Variants in KIAA1614 observed in about 807,000 individuals in gnomAD.
KIAA1614 encodes the protein KIAA1614.
A neutral mutation model predicts 88.7 loss-of-function variants in KIAA1614; 76 were observed. The observed-to-expected ratio is 0.86, with a 90% confidence interval of 0.71 to 1.04. The LOEUF (loss-of-function observed/expected upper bound fraction) is 1.04. KIAA1614 is among the 50% of genes least tolerant of loss of function. KIAA1614 has a pLI of 0.00. For missense variants in KIAA1614, 1,553 were observed against 1,582.5 expected (o/e 0.98, Z 0.32); for synonymous variants, 714 against 675.5 (o/e 1.06, Z -0.88).
chr1:180,948,204 C>T lies in KIAA1614; in HGVS notation c.*2616C>T, dbSNP rs1387443890. ...TGAAGCCTGGCGAGTGCTGGGGCCT[C>T]CGTGTCCCAGGCCATCCTCCAACAG... is the stretch of plus-strand genomic sequence containing the variant. On this transcript the variant is annotated 3_prime_UTR_variant, in exon 9 of 9. Coordinates refer to ENST00000367588, the MANE Select transcript of KIAA1614 (RefSeq NM_020950.2). 6.6e-6 allele frequency: 1 copy of T among 152,300 alleles called. No individual in the cohort carries two copies. The highest frequency in any genetic ancestry group is 6.5e-5 in the Admixed American group (1 of 15,294). The allele number at this position is 152,300 out of a possible 1,614,324, so 9.4% of individuals were successfully genotyped here.
chr1:180,928,196 C>T (rs1245935964), intron 3 of KIAA1614: 14 of 439,534 alleles, frequency 3.2e-5, no homozygotes, highest in Middle Eastern at 5.9e-4. Flanking sequence ...TGTCCAAGGC[C>T]GGGCCAGCTC....
Position 180,916,405 on chromosome 1 carries a change from T to G in KIAA1614, c.302T>G (p.Val101Gly). The G allele has an allele frequency of 6.2e-7, 1 of 1,613,808 alleles. No homozygotes were observed. The highest frequency in any genetic ancestry group is 8.5e-7 in the Non-Finnish European group (1 of 1,179,944). The change falls in exon 2 of 9, where the codon GTG becomes GGG. Residue 101 changes from valine to glycine, a missense_variant. Coordinates refer to ENST00000367588, the MANE Select transcript of KIAA1614 (RefSeq NM_020950.2). ...KEKMTVAKQGVSPCSASQEWS... is the reference protein window; with the variant it reads ...KEKMTVAKQGGSPCSASQEWS... ...AAGATGACAGTGGCCAAACAGGGAG[T>G]GAGTCCCTGCTCTGCTTCCCAAGAG... is the stretch of plus-strand genomic sequence containing the variant.
intron 1 of KIAA1614, among the ~76,000 whole-genome samples, chr1:180,914,423 A>G (rs796344378): frequency 2.0e-5 from 3 of 152,332 alleles, no homozygotes; most frequent in African/African-American, 7.2e-5. Flanking sequence ...TGTTTTGGAA[A>G]AGGCCTGGGC....
chr1:180,927,155 T>G (rs1207480561), intron 3 of KIAA1614, among the ~76,000 whole-genome samples: 1 of 152,156 alleles, frequency 6.6e-6, no homozygotes, highest in African/African-American at 2.4e-5. Context: ...CACATCTCTG[T>G]CACCCAGGAA....
rs1654119623 is a variant in KIAA1614, at chr1:180,928,520, C to G, written c.1152C>G (p.Thr384=). Residue 384 remains threonine, a synonymous_variant, in exon 4 of 9, where the codon ACC becomes ACG. Transcript: ENST00000367588. ...AGCGTGCCCGCATGAAGGCCAGGAC[C>G]CGGCCCCTCCGTGCCAGCCATGACA... is the stretch of plus-strand genomic sequence containing the variant. ...LLQRARMKAR[T]RPLRASHDIV... is the part of the protein sequence containing the mutation. 1.9e-6 allele frequency: 3 copies of G among 1,613,000 alleles called. No individual in the cohort carries two copies. The highest frequency in any genetic ancestry group is 1.3e-5 in the African/African-American group (1 of 75,068).
rs1374613094 is a variant in KIAA1614 at position 180,947,811 on chromosome 1, T to C, written c.*2223T>C. Reference sequence around the variant, plus strand: ...CTACCTAGAAGAGTCATAAGGAGCATTTGGTAAGGCACACAGGAAAGGGCC... The same window carrying C: ...CTACCTAGAAGAGTCATAAGGAGCACTTGGTAAGGCACACAGGAAAGGGCC... On this transcript the variant is annotated 3_prime_UTR_variant, in exon 9 of 9. Coordinates refer to ENST00000367588, the MANE Select transcript of KIAA1614 (RefSeq NM_020950.2). 1 of 152,106 alleles carries C rather than the reference T, an allele frequency of 6.6e-6. No individual in the cohort carries two copies. The highest frequency in any genetic ancestry group is 1.5e-5 in the Non-Finnish European group (1 of 68,014). The allele number at this position is 152,106 out of a possible 1,614,324, so 9.4% of individuals were successfully genotyped here. A position where few individuals can be genotyped will look rare whatever the true frequency, so the allele number is the denominator to read the frequency against.
Position 180,947,098 on chromosome 1 carries a change from G to GC in KIAA1614, c.*1514dup, listed in dbSNP as rs993398124. The GC allele has an allele frequency of 3.3e-5, 5 of 152,312 alleles. No individual in the cohort carries two copies. The highest frequency in any genetic ancestry group is 9.6e-5 in the African/African-American group (4 of 41,454). The allele number at this position is 152,312 out of a possible 1,614,324, so 9.4% of individuals were successfully genotyped here. A position where few individuals can be genotyped will look rare whatever the true frequency, so the allele number is the denominator to read the frequency against. On this transcript the variant is annotated 3_prime_UTR_variant, in exon 9 of 9. Transcript: ENST00000367588. ...GGGCCGTGGATGGGGCGAGGAAGGG[G>GC]CCCCATGGGTGTCTGGGGAAGAGCA...
At position 180,941,256 on chromosome 1, in the gene KIAA1614, A is replaced by G. The variant is rs770471541; in HGVS notation, c.3130A>G (p.Arg1044Gly). Residue 1044 changes from arginine to glycine, a missense_variant, in exon 7 of 9, where the codon AGG becomes GGG. Transcript: ENST00000367588. ...PAPPGLTSQS[R>G]APSLQSLHPV... ...CCCGCCTGGCCTGACGTCACAGTCC[A>G]GGGCCCCATCGTTACAATCCCTGCA... The G allele has an allele frequency of 3.1e-6, 5 of 1,612,384 alleles. No individual in the cohort carries two copies. In the Admixed American group the frequency reaches 5.0e-5, roughly 16 times the overall value.
At position 180,917,048 on chromosome 1, in the gene KIAA1614, C is replaced by T. The variant is rs370879517; in HGVS notation, c.945C>T (p.Pro315=). ...QEMLNVSGQS[P]RKVGTPAWTP... ...TGCTCAACGTTTCTGGGCAGAGCCC[C>T]CGCAAGGTGGGAACCCCTGCCTGGA... Residue 315 remains proline (P), a synonymous_variant, in exon 2 of 9, where the codon CCC becomes CCT. Coordinates refer to ENST00000367588, the MANE Select transcript of KIAA1614 (RefSeq NM_020950.2). 1.5e-5 allele frequency: 25 copies of T among 1,613,618 alleles called. No individual in the cohort carries two copies. Among genetic ancestry groups the T allele is most frequent in the Non-Finnish European group, 2.0e-5 (24 of 1,180,036 alleles).
In KIAA1614 at chr1:180,936,268, G is replaced by A; in HGVS notation, c.2359G>A (p.Glu787Lys). 1 of 1,614,206 alleles carries A rather than the reference G, an allele frequency of 6.2e-7. No homozygotes were observed. Among genetic ancestry groups the A allele is most frequent in the South Asian group, 1.1e-5 (1 of 91,086 alleles). The change falls in exon 5 of 9, where the codon GAG (glutamate) becomes AAG (lysine). Residue 787 changes from glutamate to lysine, a missense_variant. By Grantham distance (56) the Glu-to-Lys change is moderately conservative. Coordinates refer to ENST00000367588, the MANE Select transcript of KIAA1614 (RefSeq NM_020950.2). ...TTCCTCCCTGCAACAGAGCCATGCAGAGCCTTCTGCCCCACACCAAGCCTG... is the reference window on the plus strand; with the variant it reads ...TTCCTCCCTGCAACAGAGCCATGCAAAGCCTTCTGCCCCACACCAAGCCTG... ...SPSSLQQSHA[E>K]PSAPHQAWQP...
At chr1:180,931,049 A>G (rs539706674) in intron 4 of KIAA1614, among the ~76,000 whole-genome samples, 1 of 152,218 alleles carries the variant, frequency 6.6e-6, no homozygotes, top group African/African-American at 2.4e-5. Context: ...TCTTTATCCT[A>G]GGTCTGGCTA....
Position 180,916,583 on chromosome 1 carries a change from A to G in KIAA1614, c.480A>G (p.Gln160=). 2 of 1,607,948 alleles carry G rather than the reference A, an allele frequency of 1.2e-6. No individual in the cohort carries two copies. The highest frequency in any genetic ancestry group is 1.7e-6 in the Non-Finnish European group (2 of 1,176,342). ...GQLDGSINEE[Q]PARDGGPRLP... Reference sequence around the variant, plus strand: ...TGGACGGCAGCATCAATGAGGAGCAACCCGCCAGGGATGGAGGCCCCAGGC... The same window carrying G: ...TGGACGGCAGCATCAATGAGGAGCAGCCCGCCAGGGATGGAGGCCCCAGGC... The change falls in exon 2 of 9, where the codon CAA becomes CAG. Residue 160 remains glutamine, a synonymous_variant. Transcript: ENST00000367588.
chr1:180,923,451 G>A (rs900611495), intron 3 of KIAA1614, among the ~76,000 whole-genome samples: 3 of 152,186 alleles, frequency 2.0e-5, no homozygotes, highest in East Asian at 1.9e-4. Context: ...GACCAAATCC[G>A]TATTTATTAG....
rs750115586 is a variant in KIAA1614, at chr1:180,936,236, T to G, written c.2327T>G (p.Val776Gly). The G allele has an allele frequency of 2.5e-6, 4 of 1,614,012 alleles. No homozygotes were observed. Among genetic ancestry groups the G allele is most frequent in the Admixed American group, 1.7e-5 (1 of 59,994 alleles). Residue 776 changes from valine (V) to glycine (G), a missense_variant, in exon 5 of 9, where the codon GTC (valine) becomes GGC (glycine). Physicochemically the swap from Val to Gly is moderately radical, Grantham distance 109 (BLOSUM62 -3). Transcript: ENST00000367588. ...GAAAGCCACGAGTCCCTGGAAATTGTCTCTCCTTCCTCCCTGCAACAGAGC... is the reference window on the plus strand; with the variant it reads ...GAAAGCCACGAGTCCCTGGAAATTGGCTCTCCTTCCTCCCTGCAACAGAGC... ...VTESHESLEI[V>G]SPSSLQQSHA...
intron 3 of KIAA1614, among the ~76,000 whole-genome samples, chr1:180,921,656 C>T (rs965070750): frequency 3.9e-5 from 6 of 152,180 alleles, no homozygotes; most frequent in Admixed American, 3.9e-4. Context: ...GCTCTGTTCT[C>T]AGGTGTGGGC....
In KIAA1614 at chr1:180,913,276, C is replaced by A; in HGVS notation, c.33C>A (p.Pro11=). The change falls in exon 1 of 9, where the codon CCC becomes CCA. Residue 11 remains proline, a synonymous_variant. Coordinates refer to ENST00000367588, the MANE Select transcript of KIAA1614 (RefSeq NM_020950.2). ...GGACAGAGGCGGCGGCGGCCAAACC[C>A]GCGGGCGGCAGCCCCCAGTGAGTAT... The part of the protein sequence containing the change: MEGTEAAAAK[P]AGGSPQGPKT... The A allele has an allele frequency of 7.9e-7, 1 of 1,259,194 alleles. No individual in the cohort carries two copies. The highest frequency in any genetic ancestry group is 3.2e-5 in the East Asian group (1 of 31,734). The allele number at this position is 1,259,194 out of a possible 1,614,324, so 78.0% of individuals were successfully genotyped here.
chr1:180,916,647 A>C lies in KIAA1614; in HGVS notation c.544A>C (p.Arg182=). The change falls in exon 2 of 9, where the codon AGG becomes CGG. Residue 182 remains arginine (R), a synonymous_variant. Transcript: ENST00000367588. ...TGCCCCTGGACGTGAGTACTGCAAC[A>C]GGGGGAGCCCGTGGCCTCCAGAAGC... ...PPAPGREYCN[R]GSPWPPEAEW... 1.2e-6 allele frequency: 2 copies of C among 1,601,350 alleles called. No homozygotes were observed. The highest frequency in any genetic ancestry group is 1.7e-6 in the Non-Finnish European group (2 of 1,172,614).
At chr1:180,914,837 C>T (rs1653742360) in intron 1 of KIAA1614, among the ~76,000 whole-genome samples, 1 of 152,220 alleles carries the variant, frequency 6.6e-6, no homozygotes, top group African/African-American at 2.4e-5. Context: ...CTCCCGAGTT[C>T]AAGCAATTAC....
At position 180,938,625 on chromosome 1, in the gene KIAA1614, G is replaced by A. The variant is rs367824217; in HGVS notation, c.2832G>A (p.Leu944=). ...ACTCCACGGGCATCACCCTCTCCCT[G>A]TCCTCAGAGGAGTCAGAGTCCAGCA... ...TINSTGITLS[L]SSEESESSKE... Residue 944 remains leucine, a synonymous_variant, in exon 6 of 9, where the codon CTG becomes CTA. Transcript: ENST00000367588. 7 of 1,614,014 alleles carry A rather than the reference G, an allele frequency of 4.3e-6. No homozygotes were observed. The highest frequency in any genetic ancestry group is 5.1e-6 in the Non-Finnish European group (6 of 1,179,992).
Sources: allele counts gnomAD v4.1 joint callset (sites outside exome capture counted in the v4.1 genomes callset), GRCh38; gene constraint gnomAD v4.1.1; transcripts MANE v1.5; gene names NCBI Gene and HGNC (gene_info 2026-07-23, HGNC 2026-07-21).